The following DAB1 variants were observed in gnomAD, a reference collection of about 807,000 sequenced individuals.
The protein encoded by DAB1 is disabled homolog 1.
In DAB1, 15 loss-of-function variants were observed where a neutral mutation model predicts 64.6. The observed-to-expected ratio is 0.23, with a 90% CI of 0.16 to 0.36. DAB1 has a LOEUF of 0.36. Among genes scored for constraint, DAB1 ranks in the 10% least tolerant of loss-of-function variants. The probability of loss-of-function intolerance (pLI) is 1.00; values close to 1 mark genes in which losing one functional copy is unlikely to be tolerated. For synonymous variants in DAB1, 235 were observed against 251.9 expected (o/e 0.93, Z 0.64); for missense variants, 596 against 706.7 (o/e 0.84, Z 1.78).
At chr1:58,455,334 C>T (rs147530090) in intron 3 of DAB1, among the ~76,000 whole-genome samples, 74 of 152,380 alleles carry the variant, frequency 4.9e-4, no homozygotes, top group Non-Finnish European at 9.6e-4. Flanking sequence ...CTCACCAACA[C>T]CTGTCAGTCA....
At position 57,896,435 on chromosome 1, in the gene DAB1, G is replaced by T. The variant is rs147212838; in HGVS notation, n.388-12273C>A. On this transcript the variant is annotated intron_variant and non_coding_transcript_variant, in intron 5 of 20. Transcript: ENST00000485760. Reference sequence around the variant, plus strand: ...AAAAAAAAAAAGCTTGAATGTGAAGGCATGATTGTAGTCAGCTCTTTTATA... The same window carrying T: ...AAAAAAAAAAAGCTTGAATGTGAAGTCATGATTGTAGTCAGCTCTTTTATA... Among the ~76,000 whole-genome samples, 244 of 151,964 alleles carry T rather than the reference G, an allele frequency of 1.6e-3. 5 individuals carry two copies. In the South Asian group the frequency reaches 0.033, roughly 20 times the overall value.
chr1:58,518,015 C>T lies in DAB1; in HGVS notation n.107+9246G>A, dbSNP rs563609401. Among the ~76,000 whole-genome samples, 867 of 151,090 alleles carry T rather than the reference C, an allele frequency of 5.7e-3. 7 individuals carry two copies. The highest frequency in any genetic ancestry group is 8.4e-3 in the Non-Finnish European group (568 of 67,870). ...CAGCCTGCCCAACATGGAGAAACCC[C>T]GTCTCAACTAAAAATACAAAATTAG... On this transcript the variant is annotated intron_variant and non_coding_transcript_variant, in intron 2 of 20. Coordinates refer to the DAB1 transcript ENST00000485760.
At chr1:58,121,019 A>G (rs1652704677) in intron 5 of DAB1, among the ~76,000 whole-genome samples, 1 of 152,224 alleles carries the variant, frequency 6.6e-6, no homozygotes, top group African/African-American at 2.4e-5. Flanking sequence ...TTTGAAAAAC[A>G]TTCTGCTTCC....
chr1:57,067,041 GC>G (rs1390615574), intron 8 of DAB1, among the ~76,000 whole-genome samples: 1 of 151,968 alleles, frequency 6.6e-6, no homozygotes, highest in African/African-American at 2.4e-5. Context: ...CCTAATAGCA[GC>G]CCCTTAAAAG....
intron 6 of DAB1, among the ~76,000 whole-genome samples, chr1:57,771,702 C>T (rs1013587766): frequency 4.2e-4 from 64 of 152,182 alleles, no homozygotes; most frequent in African/African-American, 1.4e-3. Context: ...ACATGTACCT[C>T]ACTCCCAAAT....
At chr1:58,139,408 G>C (rs4406656) in intron 5 of DAB1, among the ~76,000 whole-genome samples, 1 of 151,926 alleles carries the variant, frequency 6.6e-6, no homozygotes, top group East Asian at 1.9e-4. Context: ...GGAAAATTAC[G>C]ATCATGGCAA....
rs563783737 is a variant in DAB1 at position 57,871,355 on chromosome 1, C to T, written n.87+12644G>A. On this transcript the variant is annotated intron_variant and non_coding_transcript_variant, in intron 1 of 1. Coordinates refer to the DAB1 transcript ENST00000477280. Reference sequence around the variant, plus strand: ...AGTGAATTGATTTATTTAATTATCACATCAATCATATGAGATAAATGTTAT... The same window carrying T: ...AGTGAATTGATTTATTTAATTATCATATCAATCATATGAGATAAATGTTAT... 6.6e-5 allele frequency among the ~76,000 whole-genome samples: 10 copies of T among 152,232 alleles called. No homozygotes were observed. The East Asian group carries it at 1.9e-3, about 29-fold the overall frequency.
At chr1:57,452,159 A>G (rs7523826) in intron 7 of DAB1, among the ~76,000 whole-genome samples, 6 of 122,702 alleles carry the variant, frequency 4.9e-5, no homozygotes, top group East Asian at 5.2e-4. Flanking sequence ...CTCTCTCTGC[A>G]CCCCCCCTTT....
At chr1:57,275,998 A>AG (rs1253825819) in intron 2 of DAB1, among the ~76,000 whole-genome samples, 2 of 152,250 alleles carry the variant, frequency 1.3e-5, no homozygotes, top group African/African-American at 4.8e-5. Flanking sequence ...AGGTTTTGTG[A>AG]GAAAAAGCTA....
chr1:57,425,481 G>A (rs1685248935), upstream of DAB1, among the ~76,000 whole-genome samples: 1 of 152,116 alleles, frequency 6.6e-6, no homozygotes, highest in East Asian at 1.9e-4. Context: ...GAGCCAGTAG[G>A]TCCAGGGCTG....
chr1:57,211,014 C>T (rs1384986072), intron 2 of DAB1, among the ~76,000 whole-genome samples: 6 of 152,192 alleles, frequency 3.9e-5, no homozygotes. Flanking sequence ...GAATTTTACA[C>T]CTGGGTGCAT....
chr1:58,240,094 GA>G (rs1660222417), intron 4 of DAB1, among the ~76,000 whole-genome samples: 1 of 152,176 alleles, frequency 6.6e-6, no homozygotes, highest in Admixed American at 6.5e-5. Flanking sequence ...GGGAACACCA[GA>G]ATGATGAGAG....
chr1:57,253,985 A>G (rs1371030396), intron 2 of DAB1, among the ~76,000 whole-genome samples: 4 of 152,246 alleles, frequency 2.6e-5, no homozygotes, highest in African/African-American at 9.6e-5. Flanking sequence ...TTGCCAATTT[A>G]TGCACAGAAT....
chr1:58,305,828 A>G (rs570569388), intron 4 of DAB1, among the ~76,000 whole-genome samples: 2 of 152,336 alleles, frequency 1.3e-5, no homozygotes, highest in South Asian at 4.1e-4. Flanking sequence ...GAATGCCTTG[A>G]ACAGGCCACA....
At chr1:57,062,001 A>T (rs1179420220) in intron 9 of DAB1, among the ~76,000 whole-genome samples, 1 of 152,210 alleles carries the variant, frequency 6.6e-6, no homozygotes, top group African/African-American at 2.4e-5. Flanking sequence ...TGGCAAAGTC[A>T]CATGTGCCCC....
chr1:58,236,791 TC>T (rs1261216255), intron 4 of DAB1, among the ~76,000 whole-genome samples: 7 of 152,218 alleles, frequency 4.6e-5, no homozygotes, highest in African/African-American at 1.7e-4. Context: ...CAAACCAAGC[TC>T]CTAATGCCAA....
chr1:57,217,318 A>C (rs548198652), intron 2 of DAB1, among the ~76,000 whole-genome samples: 20 of 152,196 alleles, frequency 1.3e-4, no homozygotes, highest in Non-Finnish European at 2.1e-4. Context: ...AGTGTATTAT[A>C]AAGTCTGGTC....
chr1:57,117,064 G>C (rs1656203380), intron 4 of DAB1, among the ~76,000 whole-genome samples: 1 of 152,140 alleles, frequency 6.6e-6, no homozygotes, highest in South Asian at 2.1e-4. Context: ...ATGATTCCTG[G>C]CTTTGACTTC....
intron 3 of DAB1, among the ~76,000 whole-genome samples, chr1:58,393,745 A>T (rs1644496039): frequency 6.6e-6 from 1 of 152,222 alleles, no homozygotes; most frequent in South Asian, 2.1e-4. Context: ...GAAAGGGGAG[A>T]TGTTAATAAA....
Sources: allele counts gnomAD v4.1 joint callset (sites outside exome capture counted in the v4.1 genomes callset), GRCh38; gene constraint gnomAD v4.1.1; transcripts MANE v1.5; gene names NCBI Gene and HGNC (gene_info 2026-07-23, HGNC 2026-07-21).